FGFR3: variants seen among roughly 807,000 people sequenced by gnomAD.
FGFR3 encodes the protein FGFR-3.
In FGFR3, 25 loss-of-function variants were observed where a neutral mutation model predicts 82.9. The ratio of observed to expected loss-of-function variants is 0.30; its 90% confidence interval spans 0.22 to 0.42. The LOEUF (loss-of-function observed/expected upper bound fraction) is 0.42. Ranked by LOEUF, FGFR3 falls within the 10% of genes least tolerant of loss-of-function variation. FGFR3 has a pLI of 1.00. For missense variants in FGFR3, 1,026 were observed against 1,161.0 expected (o/e 0.88, Z 1.69); for synonymous variants, 620 against 516.0 (o/e 1.20, Z -2.73).
intron 3 of FGFR3, 54 bp from the exon 4 acceptor site, chr4:1,799,693 T>TG (rs1364021004): frequency 3.7e-6 from 6 of 1,605,232 alleles, no homozygotes; most frequent in Non-Finnish European, 5.1e-6. Flanking sequence ...GAGGGGCACC[T>TG]GGGGGCCTCC....
At chr4:1,797,928 C>T (rs1256673526) in intron 2 of FGFR3, among the ~76,000 whole-genome samples, 2 of 152,124 alleles carry the variant, frequency 1.3e-5, no homozygotes, top group East Asian at 1.9e-4. Flanking sequence ...GGCAGCTGGG[C>T]CCCCGAATCT....
In FGFR3 at chr4:1,805,830, G is replaced by A. The variant is rs752311470; in HGVS notation, c.1726G>A (p.Asp576Asn). The A allele has an allele frequency of 6.2e-7, 1 of 1,612,504 alleles. No homozygotes were observed. Among genetic ancestry groups the A allele is most frequent in the Non-Finnish European group, 8.5e-7 (1 of 1,179,876 alleles). ...FLRARRPPGLDYSFDTCKPPE... is the reference protein window; with the variant it reads ...FLRARRPPGLNYSFDTCKPPE... The stretch of plus-strand genomic sequence containing the variant: ...GCGGGCGCGGCGGCCCCCGGGCCTG[G>A]ACTACTCCTTCGACACCTGCAAGCC... Residue 576 changes from aspartate (D) to asparagine (N), a missense_variant, in exon 13 of 18, where the codon GAC becomes AAC. Coordinates refer to ENST00000440486, the MANE Select transcript of FGFR3 (RefSeq NM_000142.5).
chr4:1,801,987 G>T lies in FGFR3; in HGVS notation c.892G>T (p.Val298Leu). Residue 298 changes from valine (V) to leucine (L), a missense_variant, in exon 7 of 18, where the codon GTG becomes TTG. This residue lies in a region of FGFR3 where 147 missense variants were observed against 228.1 expected (regional missense o/e 0.64). Coordinates refer to ENST00000440486, the MANE Select transcript of FGFR3 (RefSeq NM_000142.5). ...GCACGTGGAGGTGAATGGCAGCAAG[G>T]TGGGCCCGGACGGCACACCCTACGT... ...LKHVEVNGSK[V>L]GPDGTPYVTV... 1 of 1,612,698 alleles carries T rather than the reference G, an allele frequency of 6.2e-7. No homozygotes were observed. The highest frequency in any genetic ancestry group is 8.5e-7 in the Non-Finnish European group (1 of 1,179,836).
Position 1,793,926 on chromosome 4 carries a change from GC to G in FGFR3, c.-4del. On this transcript the variant is annotated 5_prime_UTR_variant, in exon 2 of 18. Coordinates refer to ENST00000440486, the MANE Select transcript of FGFR3 (RefSeq NM_000142.5). Reference sequence around the variant, plus strand: ...GCTGCCTGAGGACGCCGCGGCCCCCGCCCCCGCCATGGGCGCCCCTGCCTGC... The same window carrying G: ...GCTGCCTGAGGACGCCGCGGCCCCCGCCCCGCCATGGGCGCCCCTGCCTGC... 3 of 1,261,724 alleles carry G rather than the reference GC, an allele frequency of 2.4e-6. No homozygotes were observed. The highest frequency in any genetic ancestry group is 2.5e-5 in the South Asian group (1 of 40,460). 78.2% of individuals were successfully genotyped at this position (1,261,724 alleles called of 1,614,324 possible). A position where few individuals can be genotyped will look rare whatever the true frequency, so the allele number is the denominator to read the frequency against.
chr4:1,805,259 T>C (rs1237228530), intron 10 of FGFR3, 96 bp from the exon 11 acceptor site: 1 of 1,581,812 alleles, frequency 6.3e-7, no homozygotes, highest in East Asian at 2.2e-5. Flanking sequence ...GTGGTGGCTC[T>C]GGGCCTCAAG....
chr4:1,799,708 G>A (rs1392382198), intron 3 of FGFR3, 39 bp from the exon 4 acceptor site: 1 of 1,610,636 alleles, frequency 6.2e-7, no homozygotes, highest in African/African-American at 1.3e-5. Flanking sequence ...GCCTCCTGGG[G>A]CAGGTTGGGC....
rs749024125 is a variant in FGFR3, at chr4:1,801,673, C to A, written c.669C>A (p.Arg223=). ...TGGAAAGCGTGGTGCCCTCGGACCGCGGCAACTACACCTGCGTCGTGGAGA... is the reference window on the plus strand; with the variant it reads ...TGGAAAGCGTGGTGCCCTCGGACCGAGGCAACTACACCTGCGTCGTGGAGA... ...LVMESVVPSD[R]GNYTCVVENK... is the part of the protein sequence containing the mutation. The change falls in exon 6 of 18, where the codon CGC becomes CGA. Residue 223 remains arginine (R), a synonymous_variant. Coordinates refer to ENST00000440486, the MANE Select transcript of FGFR3 (RefSeq NM_000142.5). 20 of 1,611,340 alleles carry A rather than the reference C, an allele frequency of 1.2e-5. No individual in the cohort carries two copies. The highest frequency in any genetic ancestry group is 1.7e-5 in the Non-Finnish European group (20 of 1,179,314).
chr4:1,807,465 CAG>C lies in FGFR3; in HGVS notation c.*206_*207del, dbSNP rs541119317. The C allele has an allele frequency of 9.3e-3, 7,532 of 809,476 alleles. 62 individuals carry two copies. The highest frequency in any genetic ancestry group is 0.036 in the Middle Eastern group (151 of 4,214). 50.1% of individuals were successfully genotyped at this position (809,476 alleles called of 1,614,324 possible). Reference sequence around the variant, plus strand: ...TGCGTGCGCATCTTGCCTCCAGGTGCAGAGGTACCCTGGGTGTCCCCGCTGCT... The same window carrying C: ...TGCGTGCGCATCTTGCCTCCAGGTGCAGGTACCCTGGGTGTCCCCGCTGCT... On this transcript the variant is annotated 3_prime_UTR_variant, in exon 18 of 18. Coordinates refer to ENST00000440486, the MANE Select transcript of FGFR3 (RefSeq NM_000142.5).
In FGFR3 at chr4:1,804,400, C is replaced by A. The variant is rs762689187; in HGVS notation, c.1146C>A (p.Gly382=). Residue 382 remains glycine (G), a synonymous_variant, in exon 9 of 18, where the codon GGC becomes GGA. Transcript: ENST00000440486. ...CAGGCATCCTCAGCTACGGGGTGGGCTTCTTCCTGTTCATCCTGGTGGTGG... is the reference window on the plus strand; with the variant it reads ...CAGGCATCCTCAGCTACGGGGTGGGATTCTTCCTGTTCATCCTGGTGGTGG... ...VYAGILSYGV[G]FFLFILVVAA... 6.2e-7 allele frequency: 1 copy of A among 1,613,116 alleles called. No individual in the cohort carries two copies. The highest frequency in any genetic ancestry group is 2.2e-5 in the East Asian group (1 of 44,878).
At position 1,807,061 on chromosome 4, in the gene FGFR3, G is replaced by A. The variant is rs1387905369; in HGVS notation, c.2275-55G>A. ...TGGGGCACAGCCTGGGCACAGAGGT[G>A]GCTGTGCGAAGAGGGGCTCGGTGGC... On this transcript the variant is annotated intron_variant, in intron 17 of 17. Coordinates refer to ENST00000440486, the MANE Select transcript of FGFR3 (RefSeq NM_000142.5). 13 of 1,553,044 alleles carry A rather than the reference G, an allele frequency of 8.4e-6. No individual in the cohort carries two copies. In the African/African-American group the frequency reaches 1.8e-4, roughly 21 times the overall value.
In FGFR3 at chr4:1,806,819, C is replaced by T. The variant is rs753958040; in HGVS notation, c.2169-10C>T. 4.4e-6 allele frequency: 7 copies of T among 1,597,558 alleles called. No homozygotes were observed. Among genetic ancestry groups the T allele is most frequent in the East Asian group, 2.3e-5 (1 of 43,824 alleles). On this transcript the variant is annotated splice_polypyrimidine_tract_variant and intron_variant, in intron 16 of 17. Transcript: ENST00000440486. ...GCGGCGGGGCTCACTCCTGAGCGCC[C>T]TGCCCGCAGGTACATGATCATGCGG...
At chr4:1,805,985 C>T (rs1329716648) in intron 13 of FGFR3, 45 bp downstream of exon 13, 1 of 1,610,494 alleles carries the variant, frequency 6.2e-7, no homozygotes, top group Non-Finnish European at 8.5e-7. Context: ...GGGCCCTGCC[C>T]TGAGATGCTG....
chr4:1,804,787 C>T, intron 9 of FGFR3, 37 bp from the exon 10 acceptor site: 1 of 1,548,672 alleles, frequency 6.5e-7, no homozygotes, highest in Admixed American at 2.0e-5. Flanking sequence ...GCCCTGTCGC[C>T]CACGCGGCGC....
At chr4:1,803,554 G>C in intron 7 of FGFR3, 138 bp from the exon 8 acceptor site, 1 of 1,443,182 alleles carries the variant, frequency 6.9e-7, no homozygotes, top group Admixed American at 2.1e-5. Flanking sequence ...CCGCGTGGCG[G>C]TGACCAAGTT....
At position 1,808,303 on chromosome 4, in the gene FGFR3, T is replaced by C. The variant is rs191993060; in HGVS notation, c.*1041T>C. ...AGGATCCCCTCCAAGCCTAAAAGGT[T>C]GTTAATAGTTGGAGGTGATTCCAGT... On this transcript the variant is annotated 3_prime_UTR_variant, in exon 18 of 18. Coordinates refer to ENST00000440486, the MANE Select transcript of FGFR3 (RefSeq NM_000142.5). 1,102 of 232,692 alleles carry C rather than the reference T, an allele frequency of 4.7e-3. 14 individuals carry two copies. Among genetic ancestry groups the C allele is most frequent in the African/African-American group, 0.023 (1,049 of 45,392 alleles). The allele number at this position is 232,692 out of a possible 1,614,324, so 14.4% of individuals were successfully genotyped here.
rs28931614 is a variant in FGFR3 at position 1,804,392 on chromosome 4, G to C, written c.1138G>C (p.Gly380Arg). 6.2e-7 allele frequency: 1 copy of C among 1,613,160 alleles called. No individual in the cohort carries two copies. The highest frequency in any genetic ancestry group is 8.5e-7 in the Non-Finnish European group (1 of 1,179,706). ...GSVYAGILSY[G>R]VGFFLFILVV... The stretch of plus-strand genomic sequence containing the variant: ...TGTGTATGCAGGCATCCTCAGCTAC[G>C]GGGTGGGCTTCTTCCTGTTCATCCT... Residue 380 changes from glycine (G) to arginine (R), a missense_variant, in exon 9 of 18, where the codon GGG becomes CGG. This residue lies in a region of FGFR3 where 256 missense variants were observed against 217.6 expected (regional missense o/e 1.18). Transcript: ENST00000440486.
At position 1,804,465 on chromosome 4, in the gene FGFR3, A is replaced by G. The variant is rs747363570; in HGVS notation, c.1211A>G (p.Lys404Arg). Residue 404 changes from lysine (K) to arginine (R), a missense_variant, in exon 9 of 18, where the codon AAA (lysine) becomes AGA (arginine). By Grantham distance (26) the Lys-to-Arg change is conservative. Transcript: ENST00000440486. ...TLCRLRSPPK[K>R]GLGSPTVHKI... is the part of the protein sequence containing the mutation. ...TGCCGCCTGCGCAGCCCCCCCAAGA[A>G]AGGCCTGGGCTCCCCCACCGTGCAC... The G allele has an allele frequency of 2.5e-6, 4 of 1,612,774 alleles. No homozygotes were observed. The East Asian group carries it at 8.9e-5, about 36-fold the overall frequency.
In FGFR3 at chr4:1,806,821, G is replaced by A; in HGVS notation, c.2169-8G>A. 6.3e-7 allele frequency: 1 copy of A among 1,599,048 alleles called. No homozygotes were observed. The highest frequency in any genetic ancestry group is 8.5e-7 in the Non-Finnish European group (1 of 1,173,676). ...GGCGGGGCTCACTCCTGAGCGCCCTGCCCGCAGGTACATGATCATGCGGGA... is the reference window on the plus strand; with the variant it reads ...GGCGGGGCTCACTCCTGAGCGCCCTACCCGCAGGTACATGATCATGCGGGA... On this transcript the variant is annotated splice_region_variant and splice_polypyrimidine_tract_variant and intron_variant, in intron 16 of 17. Coordinates refer to ENST00000440486, the MANE Select transcript of FGFR3 (RefSeq NM_000142.5).
At chr4:1,795,585 C>T (rs1229195335) in intron 2 of FGFR3, among the ~76,000 whole-genome samples, 2 of 152,226 alleles carry the variant, frequency 1.3e-5, no homozygotes, top group South Asian at 2.1e-4. Flanking sequence ...TGGCGCTTGC[C>T]CGGGAACATA....
Sources: allele counts gnomAD v4.1 joint callset (sites outside exome capture counted in the v4.1 genomes callset), GRCh38; gene constraint gnomAD v4.1.1; regional missense constraint gnomAD v4.1.1; transcripts MANE v1.5; gene names NCBI Gene and HGNC (gene_info 2026-07-23, HGNC 2026-07-21).